Variants in PIK3C2G observed in about 807,000 individuals in gnomAD.
PIK3C2G encodes phosphatidylinositol-4-phosphate 3-kinase catalytic subunit type 2 gamma.
In PIK3C2G, 168 loss-of-function variants were observed where a neutral mutation model predicts 181.1. The observed-to-expected ratio is 0.93, with a 90% CI of 0.82 to 1.05. The LOEUF (loss-of-function observed/expected upper bound fraction) is 1.05, where lower values mean the gene tolerates loss of function less well. Among genes scored for constraint, PIK3C2G ranks in the 50% least tolerant of loss-of-function variants. The pLI, the probability that PIK3C2G is intolerant of heterozygous loss-of-function variation, is 0.00. For synonymous variants in PIK3C2G, 573 were observed against 592.2 expected (o/e 0.97, Z 0.47); for missense variants, 1,869 against 1,732.8 (o/e 1.08, Z -1.40).
intron 21 of PIK3C2G, among the ~76,000 whole-genome samples, 173 bp downstream of exon 21, chr12:18,496,327 T>C (rs539266678): frequency 8.5e-5 from 13 of 152,272 alleles, no homozygotes; most frequent in South Asian, 2.1e-4. Context: ...CAAACTCCAA[T>C]TGGCAATAAA....
intron 19 of PIK3C2G, among the ~76,000 whole-genome samples, chr12:18,489,401 T>C (rs555275153): frequency 3.9e-5 from 6 of 152,158 alleles, no homozygotes; most frequent in African/African-American, 1.4e-4. Flanking sequence ...CCACTTATAA[T>C]CTAAAATCAA....
At chr12:18,653,887 T>C in the PIK3C2G span, among the ~76,000 whole-genome samples, 1 of 152,200 alleles carries the variant, frequency 6.6e-6, no homozygotes, top group African/African-American at 2.4e-5. Context: ...ACTGAGATTA[T>C]TGCATGCCCC....
intron 32 of PIK3C2G, among the ~76,000 whole-genome samples, chr12:18,641,068 T>G (rs1387110342): frequency 6.6e-6 from 1 of 152,212 alleles, no homozygotes; most frequent in Non-Finnish European, 1.5e-5. Flanking sequence ...TTTATTCTCT[T>G]GATTCCATCC....
Position 18,563,319 on chromosome 12 carries a change from G to T in PIK3C2G, c.3781-58G>T, listed in dbSNP as rs1020974578. On this transcript the variant is annotated intron_variant, in intron 27 of 32. Transcript: ENST00000538779. Reference sequence around the variant, plus strand: ...TTGGTTTACATAAAATCGGGTTTTAGAGTGTATCACAGGCTGATATTGCCA... The same window carrying T: ...TTGGTTTACATAAAATCGGGTTTTATAGTGTATCACAGGCTGATATTGCCA... 4.6e-6 allele frequency: 7 copies of T among 1,515,366 alleles called. No individual in the cohort carries two copies. The South Asian group carries it at 4.9e-5, about 11-fold the overall frequency. The allele number at this position is 1,515,366 out of a possible 1,614,324, so 93.9% of individuals were successfully genotyped here.
chr12:18,642,424 T>C lies in PIK3C2G; in HGVS notation c.4308+1870T>C, dbSNP rs551207759. Reference sequence around the variant, plus strand: ...TTGTCAAAAATCACTTGGGAATATTTGTGTTCTTATACTCTTTTTGTTATC... The same window carrying C: ...TTGTCAAAAATCACTTGGGAATATTCGTGTTCTTATACTCTTTTTGTTATC... On this transcript the variant is annotated intron_variant, in intron 32 of 32. Transcript: ENST00000538779. Among the ~76,000 whole-genome samples the C allele has an allele frequency of 2.6e-5, 4 of 152,300 alleles. No individual in the cohort carries two copies. The South Asian group carries it at 8.3e-4, about 32-fold the overall frequency.
intron 25 of PIK3C2G, among the ~76,000 whole-genome samples, chr12:18,544,850 C>T (rs1944341105): frequency 6.6e-6 from 1 of 151,788 alleles, no homozygotes; most frequent in Non-Finnish European, 1.5e-5. Context: ...ATAGCATGTG[C>T]TTTGGACCCT....
intron 2 of PIK3C2G, among the ~76,000 whole-genome samples, chr12:18,284,079 G>C (rs991378652): frequency 2.6e-5 from 4 of 152,006 alleles, no homozygotes; most frequent in African/African-American, 9.7e-5. Flanking sequence ...AATGGGTATG[G>C]GTCAGAAGTA....
At chr12:18,699,701 T>A in the PIK3C2G span, 1 of 1,300,248 alleles carries the variant, frequency 7.7e-7, no homozygotes, top group African/African-American at 1.5e-5. Flanking sequence ...TATGAGAATA[T>A]ACATTTTATA....
intron 16 of PIK3C2G, among the ~76,000 whole-genome samples, chr12:18,407,570 A>G (rs535748094): frequency 1.5e-4 from 23 of 152,250 alleles, no homozygotes; most frequent in East Asian, 5.8e-4. Context: ...TGGTCTTGCA[A>G]TCTTCTGGAG....
chr12:18,657,679 A>G, the PIK3C2G span, among the ~76,000 whole-genome samples: 5 of 152,224 alleles, frequency 3.3e-5, no homozygotes, highest in Non-Finnish European at 7.3e-5. Flanking sequence ...AACAACTACT[A>G]TAATAAGCAG....
chr12:18,424,418 C>A (rs1295016680), intron 18 of PIK3C2G, among the ~76,000 whole-genome samples: 1 of 152,088 alleles, frequency 6.6e-6, no homozygotes. Context: ...ACTTTCTGTG[C>A]AATATTAGTT....
intron 10 of PIK3C2G, among the ~76,000 whole-genome samples, chr12:18,345,171 A>G (rs967972076): frequency 6.6e-6 from 1 of 152,156 alleles, no homozygotes; most frequent in African/African-American, 2.4e-5. Context: ...AAGAAACAAG[A>G]TGTTTCCATA....
chr12:18,530,181 T>G (rs1943472835), intron 24 of PIK3C2G, among the ~76,000 whole-genome samples: 1 of 152,078 alleles, frequency 6.6e-6, no homozygotes, highest in Non-Finnish European at 1.5e-5. Flanking sequence ...TTGAGAAAAA[T>G]AAAATCATCA....
chr12:18,522,559 C>T (rs1014208074), intron 24 of PIK3C2G, among the ~76,000 whole-genome samples: 11 of 151,634 alleles, frequency 7.3e-5, no homozygotes, highest in African/African-American at 2.7e-4. Flanking sequence ...ATATATCATC[C>T]TATTCTCTCC....
At chr12:18,462,134 T>A (rs944570141) in intron 18 of PIK3C2G, among the ~76,000 whole-genome samples, 1 of 152,190 alleles carries the variant, frequency 6.6e-6, no homozygotes, top group Non-Finnish European at 1.5e-5. Flanking sequence ...GGTCCAAGAA[T>A]TAGAATGCAG....
At chr12:18,582,905 T>C (rs1033302100) in intron 29 of PIK3C2G, among the ~76,000 whole-genome samples, 7 of 151,582 alleles carry the variant, frequency 4.6e-5, no homozygotes, top group African/African-American at 1.7e-4. Flanking sequence ...GTTTTCTAAT[T>C]GGCAGTGGTT....
chr12:18,526,171 A>G (rs112769847), intron 24 of PIK3C2G, among the ~76,000 whole-genome samples: 4 of 152,226 alleles, frequency 2.6e-5, no homozygotes, highest in African/African-American at 9.6e-5. Flanking sequence ...AGATTAAAGG[A>G]GTAATTGTGT....
intron 29 of PIK3C2G, among the ~76,000 whole-genome samples, chr12:18,571,658 A>G (rs1279523259): frequency 6.6e-6 from 1 of 150,900 alleles, no homozygotes; most frequent in African/African-American, 2.5e-5. Context: ...TATTACTAAT[A>G]TAGCCAAGCC....
intron 11 of PIK3C2G, among the ~76,000 whole-genome samples, chr12:18,356,773 G>A (rs924304710): frequency 1.3e-5 from 2 of 151,396 alleles, no homozygotes; most frequent in African/African-American, 4.9e-5. Context: ...CCGCCCCTCT[G>A]AAGTCAAGCT....
Sources: allele counts gnomAD v4.1 joint callset (sites outside exome capture counted in the v4.1 genomes callset), GRCh38; gene constraint gnomAD v4.1.1; transcripts MANE v1.5; gene names NCBI Gene and HGNC (gene_info 2026-07-23, HGNC 2026-07-21).